CTNNB1: variants seen among roughly 807,000 people sequenced by gnomAD.
The protein encoded by CTNNB1 is catenin beta 1.
Under a neutral mutation model 82.5 loss-of-function variants are expected in CTNNB1, and 6 were observed. The ratio of observed to expected loss-of-function variants is 0.07; its 90% confidence interval spans 0.04 to 0.14. The LOEUF is 0.14. CTNNB1 is among the 10% of genes least tolerant of loss of function. The pLI is 1.00. For missense variants in CTNNB1, 529 were observed against 980.4 expected (o/e 0.54, Z 6.15); for synonymous variants, 312 against 329.7 (o/e 0.95, Z 0.58).
intron 14 of CTNNB1, 58 bp downstream of exon 14, chr3:41,238,134 A>G: frequency 6.7e-7 from 1 of 1,486,558 alleles, no homozygotes; most frequent in Non-Finnish European, 9.4e-7. Context: ...TAAAACTTTT[A>G]TCAGAAGAGC....
intron 1 of CTNNB1, 45 bp from the exon 2 acceptor site, chr3:41,223,976 C>G: frequency 7.4e-7 from 1 of 1,359,948 alleles, no homozygotes; most frequent in East Asian, 2.3e-5. Context: ...GAGTATTAAT[C>G]AAGCTAAATT....
At chr3:41,207,331 C>T (rs1048004242) in intron 1 of CTNNB1, among the ~76,000 whole-genome samples, 1 of 152,112 alleles carries the variant, frequency 6.6e-6, no homozygotes, top group South Asian at 2.1e-4. Context: ...GCTTGAAGAG[C>T]GCCCTCATTA....
At chr3:41,238,322 A>G (rs2078489601) in intron 14 of CTNNB1, 1 of 512,078 alleles carries the variant, frequency 2.0e-6, no homozygotes, top group Non-Finnish European at 3.5e-6. Context: ...AGGCCTCTGC[A>G]GTGCAGGATG....
At chr3:41,199,976 G>A (rs1341338331) in intron 1 of CTNNB1, 6 of 146,108 alleles carry the variant, frequency 4.1e-5, no homozygotes, top group African/African-American at 1.5e-4. Context: ...GGTGGGGGTG[G>A]GGGTCTGTGG....
intron 7 of CTNNB1, among the ~76,000 whole-genome samples, chr3:41,228,898 T>C (rs1321870715): frequency 6.6e-6 from 1 of 152,240 alleles, no homozygotes; most frequent in East Asian, 1.9e-4. Flanking sequence ...AGTTGATTTT[T>C]GTACATCATG....
chr3:41,212,458 A>G (rs969759291), intron 1 of CTNNB1, among the ~76,000 whole-genome samples: 3 of 152,274 alleles, frequency 2.0e-5, no homozygotes, highest in Non-Finnish European at 4.4e-5. Context: ...TATTAATACA[A>G]TTCCATTGAA....
intron 1 of CTNNB1, among the ~76,000 whole-genome samples, chr3:41,214,277 G>A (rs1430837157): frequency 6.6e-6 from 1 of 151,924 alleles, no homozygotes; most frequent in Non-Finnish European, 1.5e-5. Flanking sequence ...AGAACCTCTT[G>A]GCCATCTGTA....
intron 1 of CTNNB1, among the ~76,000 whole-genome samples, chr3:41,216,679 T>A (rs567826914): frequency 1.1e-4 from 17 of 152,212 alleles, no homozygotes; most frequent in Non-Finnish European, 2.1e-4. Flanking sequence ...CTTAACGTTA[T>A]ATTTCAGTAT....
At chr3:41,210,698 G>T (rs557085459) in intron 1 of CTNNB1, among the ~76,000 whole-genome samples, 1 of 151,924 alleles carries the variant, frequency 6.6e-6, no homozygotes, top group African/African-American at 2.4e-5. Context: ...AACAGAAGGA[G>T]TACACTCTAA....
At chr3:41,227,172 C>T (rs1427182701) in intron 6 of CTNNB1, 36 bp from the exon 7 acceptor site, 2 of 1,554,950 alleles carry the variant, frequency 1.3e-6, no homozygotes, top group Non-Finnish European at 1.8e-6. Flanking sequence ...GATCAAGATT[C>T]CTTGACTAAC....
At chr3:41,220,145 T>G (rs1241346451) in intron 1 of CTNNB1, among the ~76,000 whole-genome samples, 1 of 152,114 alleles carries the variant, frequency 6.6e-6, no homozygotes, top group Admixed American at 6.5e-5. Context: ...GAAGAACAGC[T>G]CATTCTGGAA....
rs554317026 is a variant in CTNNB1 at position 41,237,727 on chromosome 3, A to G, written c.2077-289A>G. On this transcript the variant is annotated intron_variant, in intron 13 of 14. Transcript: ENST00000349496. ...TTTTTTTTTTTTTTTTTAAACTGCT[A>G]TATCTCTAGCATGTAGAACAGTGCC... The G allele has an allele frequency of 9.6e-5, 19 of 198,530 alleles. No individual in the cohort carries two copies. The South Asian group carries it at 1.8e-3, about 19-fold the overall frequency. The allele number at this position is 198,530 out of a possible 1,614,324, so 12.3% of individuals were successfully genotyped here. A position where few individuals can be genotyped will look rare whatever the true frequency, so the allele number is the denominator to read the frequency against.
At chr3:41,237,770 T>G in intron 13 of CTNNB1, 2 of 481,144 alleles carry the variant, frequency 4.2e-6, no homozygotes, top group Non-Finnish European at 3.8e-6. Flanking sequence ...ACATAATAGG[T>G]GCTTAATATA....
Position 41,225,634 on chromosome 3 carries a change from T to A in CTNNB1, c.735-26T>A. The A allele has an allele frequency of 6.2e-7, 1 of 1,614,048 alleles. No individual in the cohort carries two copies. The highest frequency in any genetic ancestry group is 8.5e-7 in the Non-Finnish European group (1 of 1,179,884). On this transcript the variant is annotated intron_variant, in intron 5 of 14. Transcript: ENST00000349496. The surrounding 1 kb of genome is among the most constrained non-coding windows in gnomAD (Gnocchi z 5.3). The stretch of plus-strand genomic sequence containing the variant: ...TAGAAGAGTATACTCACAATATTTC[T>A]GATGAGGCTTTTTTCTTCTTCCCAG...
intron 1 of CTNNB1, among the ~76,000 whole-genome samples, chr3:41,211,637 CTG>C (rs1365489717): frequency 6.6e-6 from 1 of 152,124 alleles, no homozygotes; most frequent in Non-Finnish European, 1.5e-5. Flanking sequence ...GATTTTGTTT[CTG>C]TGTTAATTTG....
rs1437437882 is a variant in CTNNB1, at chr3:41,228,107, T to C, written c.1081+755T>C. Among the ~76,000 whole-genome samples, 3 of 152,246 alleles carry C rather than the reference T, an allele frequency of 2.0e-5. No individual in the cohort carries two copies. The South Asian group carries it at 6.2e-4, about 32-fold the overall frequency. ...TAGTATATATGTACCACATTTTCTT[T>C]ATCTAGTCTACCATTGATGGGCATT... On this transcript the variant is annotated intron_variant, in intron 7 of 14. Coordinates refer to ENST00000349496, the MANE Select transcript of CTNNB1 (RefSeq NM_001904.4).
At position 41,224,095 on chromosome 3, in the gene CTNNB1, A is replaced by T. The variant is rs2078116317; in HGVS notation, c.13+14A>T. The T allele has an allele frequency of 1.2e-6, 2 of 1,613,638 alleles. No individual in the cohort carries two copies. The highest frequency in any genetic ancestry group is 1.7e-6 in the Non-Finnish European group (2 of 1,179,738). On this transcript the variant is annotated intron_variant, in intron 2 of 14. Coordinates refer to ENST00000349496, the MANE Select transcript of CTNNB1 (RefSeq NM_001904.4). ...TGGCTACTCAAGGTTTGTGTCATTA[A>T]ATCTTTAGTTACTGAATTGGGGCTC...
chr3:41,215,382 C>CAAAAA (rs35166040), intron 1 of CTNNB1, among the ~76,000 whole-genome samples: 10 of 48,826 alleles, frequency 2.0e-4, no homozygotes, highest in East Asian at 6.0e-4. Context: ...AACACCATCT[C>CAAAAA]AAAAAAAAAA....
chr3:41,239,017 C>A, intron 14 of CTNNB1, 117 bp from the exon 15 acceptor site: 3 of 885,214 alleles, frequency 3.4e-6, no homozygotes, highest in Non-Finnish European at 5.6e-6. Flanking sequence ...TGTTTTCTGA[C>A]AAGTTTGCTG....
Sources: allele counts gnomAD v4.1 joint callset (sites outside exome capture counted in the v4.1 genomes callset), GRCh38; gene constraint gnomAD v4.1.1; non-coding constraint Gnocchi (gnomAD v3.1); transcripts MANE v1.5; gene names NCBI Gene and HGNC (gene_info 2026-07-23, HGNC 2026-07-21).